Variants in PTPRG observed in about 807,000 individuals in gnomAD.
PTPRG encodes receptor-type tyrosine-protein phosphatase gamma.
Under a neutral mutation model 165.3 loss-of-function variants are expected in PTPRG, and 102 were observed. The observed-to-expected ratio is 0.62, with a 90% CI of 0.53 to 0.73. The LOEUF (loss-of-function observed/expected upper bound fraction) is 0.73, where lower values mean the gene tolerates loss of function less well. Among genes scored for constraint, PTPRG ranks in the 30% least tolerant of loss-of-function variants. The pLI is 0.00. For synonymous variants in PTPRG, 675 were observed against 669.5 expected, an observed-to-expected ratio of 1.01 and a Z score of -0.13; for missense variants, 1,866 against 1,861.4, an observed-to-expected ratio of 1.00 and a Z score of -0.05.
At chr3:62,216,537 T>C (rs937087684) in intron 12 of PTPRG, among the ~76,000 whole-genome samples, 2 of 148,620 alleles carry the variant, frequency 1.3e-5, no homozygotes, top group Non-Finnish European at 2.9e-5. Flanking sequence ...GTCTTTGAGA[T>C]TCCCCCCCCT....
intron 2 of PTPRG, among the ~76,000 whole-genome samples, chr3:61,830,700 G>C (rs59316317): frequency 6.7e-6 from 1 of 149,312 alleles, no homozygotes. Flanking sequence ...TCAGCCTCCC[G>C]AGTAGCTGGG....
At chr3:61,896,724 T>C (rs1391506190) in intron 2 of PTPRG, among the ~76,000 whole-genome samples, 2 of 152,216 alleles carry the variant, frequency 1.3e-5, no homozygotes, top group Admixed American at 6.5e-5. Context: ...GATATTGATA[T>C]TGATACTGAT....
At chr3:61,923,974 A>G (rs188798652) in intron 2 of PTPRG, among the ~76,000 whole-genome samples, 325 of 152,324 alleles carry the variant, frequency 2.1e-3, no homozygotes, top group Non-Finnish European at 3.6e-3. Context: ...ACTATTTGCT[A>G]TAAGACAATT....
At chr3:62,216,261 C>T (rs1464681297) in intron 12 of PTPRG, among the ~76,000 whole-genome samples, 1 of 151,462 alleles carries the variant, frequency 6.6e-6, no homozygotes, top group Non-Finnish European at 1.5e-5. Flanking sequence ...GGTGGTATTG[C>T]CAGTGATTGT....
intron 2 of PTPRG, among the ~76,000 whole-genome samples, chr3:61,776,587 A>G (rs542027747): frequency 2.6e-5 from 4 of 151,856 alleles, no homozygotes; most frequent in Non-Finnish European, 4.4e-5. Context: ...CTGTCCTAGA[A>G]CTTATTAGGG....
Position 62,255,147 on chromosome 3 carries a change from A to T in PTPRG, c.2491A>T (p.Lys831Ter). Residue 831 changes from lysine (K) to a stop codon, truncating the protein, a stop_gained, in exon 16 of 30, where the codon AAA becomes TAA. Coordinates refer to ENST00000474889, the MANE Select transcript of PTPRG (RefSeq NM_002841.4). LOFTEE classifies it high-confidence loss of function. The surrounding 1 kb of genome is among the most constrained non-coding windows in gnomAD (Gnocchi z 4.0). Reference sequence around the variant, plus strand: ...AGATGACATGGAAGCCATTCCTGTCAAACAGTTTGTCAAACACATCGGTGA... The same window carrying T: ...AGATGACATGGAAGCCATTCCTGTCTAACAGTTTGTCAAACACATCGGTGA... ...IPDDMEAIPV[K>*]QFVKHIGELY... 1 of 1,613,156 alleles carries T rather than the reference A, an allele frequency of 6.2e-7. No individual in the cohort carries two copies. Among genetic ancestry groups the T allele is most frequent in the Non-Finnish European group, 8.5e-7 (1 of 1,179,462 alleles).
chr3:61,606,320 TCCAAGGC>T (rs1290405234), intron 1 of PTPRG, among the ~76,000 whole-genome samples: 1 of 152,194 alleles, frequency 6.6e-6, no homozygotes, highest in Non-Finnish European at 1.5e-5. Context: ...TGTTTGCTTC[TCCAAGGC>T]CAACAAGGTG....
chr3:61,660,070 C>CA (rs1456621534), intron 1 of PTPRG, among the ~76,000 whole-genome samples: 4 of 152,076 alleles, frequency 2.6e-5, no homozygotes, highest in Admixed American at 2.6e-4. Flanking sequence ...ACTAAAAATA[C>CA]AAAAATTAGC....
intron 1 of PTPRG, among the ~76,000 whole-genome samples, chr3:61,629,608 T>A (rs924636574): frequency 6.6e-6 from 1 of 152,178 alleles, no homozygotes; most frequent in Non-Finnish European, 1.5e-5. Flanking sequence ...GTCTCCACGG[T>A]GTAGTAGAGA....
chr3:61,866,745 T>A (rs1173906798), intron 2 of PTPRG, among the ~76,000 whole-genome samples: 2 of 151,804 alleles, frequency 1.3e-5, no homozygotes, highest in Admixed American at 6.6e-5. Context: ...ACTACAGGCA[T>A]GTGCCACCAC....
chr3:61,999,690 G>C (rs974195707), intron 3 of PTPRG, among the ~76,000 whole-genome samples: 2 of 151,992 alleles, frequency 1.3e-5, no homozygotes, highest in African/African-American at 2.4e-5. Context: ...GATTTTAAAA[G>C]AAAACTCTTT....
At chr3:61,706,345 A>G (rs192243064) in intron 1 of PTPRG, among the ~76,000 whole-genome samples, 11 of 152,290 alleles carry the variant, frequency 7.2e-5, no homozygotes, top group Admixed American at 5.9e-4. Context: ...TGGAACATAT[A>G]TAGTGAGATA....
At chr3:62,025,100 T>C (rs779495610) in intron 4 of PTPRG, among the ~76,000 whole-genome samples, 1 of 152,168 alleles carries the variant, frequency 6.6e-6, no homozygotes, top group Non-Finnish European at 1.5e-5. Flanking sequence ...TTTTCGTATG[T>C]GGGCAGTGAA....
intron 5 of PTPRG, among the ~76,000 whole-genome samples, chr3:62,089,815 G>A (rs115448981): frequency 2.0e-3 from 301 of 152,224 alleles, no homozygotes; most frequent in African/African-American, 7.0e-3. Flanking sequence ...TGATAGAAGA[G>A]AGCTAACTAA....
intron 2 of PTPRG, among the ~76,000 whole-genome samples, chr3:61,809,707 T>C (rs1279405298): frequency 2.0e-5 from 3 of 152,170 alleles, no homozygotes; most frequent in African/African-American, 7.2e-5. Flanking sequence ...TGTATTAATA[T>C]GAAGGGGAAT....
At chr3:62,053,266 G>GTT (rs36000751) in intron 4 of PTPRG, among the ~76,000 whole-genome samples, 1,458 of 130,876 alleles carry the variant, frequency 0.011, 25 homozygotes, top group African/African-American at 0.014. Context: ...ACTGCCTTGG[G>GTT]TTTTTTTTTT....
chr3:62,157,669 G>T (rs1484133478), intron 7 of PTPRG, among the ~76,000 whole-genome samples: 1 of 152,102 alleles, frequency 6.6e-6, no homozygotes, highest in African/African-American at 2.4e-5. Flanking sequence ...TTTTATAGAG[G>T]AGATCAAGCC....
At chr3:61,642,806 G>A (rs1357117968) in intron 1 of PTPRG, among the ~76,000 whole-genome samples, 1 of 152,170 alleles carries the variant, frequency 6.6e-6, no homozygotes, top group Non-Finnish European at 1.5e-5. Flanking sequence ...ATGGAGTGAT[G>A]GAAATAGACA....
chr3:61,626,853 C>A (rs957743958), intron 1 of PTPRG, among the ~76,000 whole-genome samples: 5 of 152,144 alleles, frequency 3.3e-5, no homozygotes, highest in Non-Finnish European at 7.3e-5. Context: ...AATAGTAACT[C>A]AAATCAAGAT....
Sources: gnomAD v4.1 joint callset for allele counts (sites outside exome capture counted in the v4.1 genomes callset) on GRCh38, gnomAD v4.1.1 for gene constraint, Gnocchi (gnomAD v3.1) non-coding constraint, MANE v1.5 for transcripts, NCBI Gene and HGNC (gene_info 2026-07-23, HGNC 2026-07-21) for gene names.